ANKRD62: variants seen among roughly 807,000 people sequenced by gnomAD.
The protein encoded by ANKRD62 is ankyrin repeat domain-containing protein 62.
In ANKRD62, 61 loss-of-function variants were observed where a neutral mutation model predicts 98.8. That is an observed-to-expected ratio of 0.62 (90% confidence interval 0.50 to 0.76). The LOEUF (loss-of-function observed/expected upper bound fraction) is 0.76. Ranked by LOEUF, ANKRD62 falls within the 30% of genes least tolerant of loss-of-function variation. The pLI is 0.00. For missense variants in ANKRD62, 933 were observed against 1,082.9 expected (o/e 0.86, Z 1.94); for synonymous variants, 341 against 367.9 (o/e 0.93, Z 0.84).
chr18:12,118,133 C>G (rs907366844), intron 10 of ANKRD62, among the ~76,000 whole-genome samples: 1 of 152,130 alleles, frequency 6.6e-6, no homozygotes, highest in Admixed American at 6.5e-5. Context: ...TGGGTTTGGT[C>G]TTAAGGTACA....
At chr18:12,161,518 T>C in the ANKRD62 span, among the ~76,000 whole-genome samples, 1 of 152,132 alleles carries the variant, frequency 6.6e-6, no homozygotes, top group African/African-American at 2.4e-5. Flanking sequence ...CAAGCATTCA[T>C]CTTTTGTGTT....
the ANKRD62 span, among the ~76,000 whole-genome samples, chr18:12,161,198 AT>A: frequency 6.6e-6 from 1 of 152,092 alleles, no homozygotes; most frequent in Admixed American, 6.6e-5. Flanking sequence ...CATTTGACGT[AT>A]TTTTTTATTT....
downstream of ANKRD62, among the ~76,000 whole-genome samples, chr18:12,131,835 A>C (rs1035572810): frequency 1.9e-4 from 29 of 152,154 alleles, no homozygotes; most frequent in African/African-American, 7.0e-4. Flanking sequence ...CCAAAATCAC[A>C]CTGTTATGAT....
chr18:12,112,111 C>CAAAAAAAA (rs34392499), intron 8 of ANKRD62, among the ~76,000 whole-genome samples: 2 of 29,498 alleles, frequency 6.8e-5, no homozygotes, highest in African/African-American at 1.5e-4. Context: ...GACTCCAACT[C>CAAAAAAAA]AAAAAAAAAA....
intron 8 of ANKRD62, among the ~76,000 whole-genome samples, chr18:12,114,852 A>T (rs1909626482): frequency 6.6e-6 from 1 of 151,950 alleles, no homozygotes; most frequent in South Asian, 2.1e-4. Flanking sequence ...ATTTAAACTT[A>T]ATTTTTTGAT....
In ANKRD62 at chr18:12,102,903, T is replaced by C. The variant is rs75679781; in HGVS notation, c.821-255T>C. ...ATTTATATTGTTGGGTGGATTCATT[T>C]GTGAGCGAATCTTTGAGATGTTGGT... On this transcript the variant is annotated intron_variant, in intron 6 of 13. Coordinates refer to ENST00000587848, the MANE Select transcript of ANKRD62 (RefSeq NM_001277333.2). 4,682 of 562,320 alleles carry C rather than the reference T, an allele frequency of 8.3e-3. 158 individuals are homozygous for C. The highest frequency in any genetic ancestry group is 0.077 in the African/African-American group (3,956 of 51,128). 34.8% of individuals were successfully genotyped at this position (562,320 alleles called of 1,614,324 possible). A position where few individuals can be genotyped will look rare whatever the true frequency, so the allele number is the denominator to read the frequency against.
Position 12,127,928 on chromosome 18 carries a change from G to T in ANKRD62, c.2743G>T (p.Val915Phe), listed in dbSNP as rs1196604165. ...ATGTATGAAACTTAGCATGTCAACA[G>T]TTACTCTGTAGCTGGTTAAATAATA... ...QVCMKLSMST[V>F]TL is the part of the protein sequence containing the mutation. The change falls in exon 14 of 14, where the codon GTT becomes TTT. Residue 915 changes from valine to phenylalanine, a missense_variant. By Grantham distance (50) the Val-to-Phe change is conservative. Around this residue, in one of 3 missense-constraint regions of ANKRD62, gnomAD observed 362 missense variants for 434.5 expected, o/e 0.83. Coordinates refer to ENST00000587848, the MANE Select transcript of ANKRD62 (RefSeq NM_001277333.2). 4.7e-5 allele frequency: 69 copies of T among 1,480,584 alleles called. No homozygotes were observed. The highest frequency in any genetic ancestry group is 6.0e-5 in the Non-Finnish European group (67 of 1,123,514). The allele number at this position is 1,480,584 out of a possible 1,614,324, so 91.7% of individuals were successfully genotyped here.
At chr18:12,114,228 A>C (rs1909609787) in intron 8 of ANKRD62, among the ~76,000 whole-genome samples, 2 of 152,210 alleles carry the variant, frequency 1.3e-5, no homozygotes, top group Non-Finnish European at 2.9e-5. Context: ...ATAATCTGCA[A>C]CAAAACCCCG....
chr18:12,107,883 A>G (rs1909450424), intron 8 of ANKRD62, among the ~76,000 whole-genome samples: 1 of 152,180 alleles, frequency 6.6e-6, no homozygotes. Context: ...TATTTATTAT[A>G]CATATGATGT....
At chr18:12,153,606 A>AG in the ANKRD62 span, among the ~76,000 whole-genome samples, 218 of 140,802 alleles carry the variant, frequency 1.5e-3, no homozygotes, top group Middle Eastern at 3.6e-3. Flanking sequence ...AAAAAAAAAA[A>AG]AAAAGAAAGA....
downstream of ANKRD62, among the ~76,000 whole-genome samples, chr18:12,132,627 C>T (rs964812831): frequency 1.3e-5 from 2 of 151,942 alleles, no homozygotes; most frequent in Non-Finnish European, 2.9e-5. Context: ...TAAAGATGCC[C>T]TTTGACATGT....
the ANKRD62 span, among the ~76,000 whole-genome samples, chr18:12,156,739 TTC>T: frequency 6.6e-6 from 1 of 152,072 alleles, no homozygotes; most frequent in Non-Finnish European, 1.5e-5. Flanking sequence ...TACCATTTAG[TTC>T]TCTCTTGAAT....
chr18:12,120,916 A>AT (rs1212921361), intron 10 of ANKRD62, among the ~76,000 whole-genome samples: 5 of 151,894 alleles, frequency 3.3e-5, no homozygotes, highest in East Asian at 1.9e-4. Flanking sequence ...ACTTTTATTT[A>AT]TTTTTTTTGT....
At chr18:12,175,919 C>T in the ANKRD62 span, among the ~76,000 whole-genome samples, 12 of 151,796 alleles carry the variant, frequency 7.9e-5, no homozygotes, top group Non-Finnish European at 1.3e-4. Context: ...AGGCCAGGCA[C>T]GGTGGCTCAC....
the ANKRD62 span, among the ~76,000 whole-genome samples, chr18:12,179,451 A>G: frequency 3.6e-5 from 5 of 140,492 alleles, no homozygotes; most frequent in Non-Finnish European, 6.1e-5. Context: ...GACCTTTGCC[A>G]AGAGCACAGC....
the ANKRD62 span, among the ~76,000 whole-genome samples, chr18:12,145,201 G>T: frequency 6.6e-6 from 1 of 152,238 alleles, no homozygotes; most frequent in Non-Finnish European, 1.5e-5. Context: ...AAGGCCAAAG[G>T]CTGGAATGGC....
At chr18:12,138,642 G>A in the ANKRD62 span, among the ~76,000 whole-genome samples, 19 of 152,190 alleles carry the variant, frequency 1.2e-4, no homozygotes, top group African/African-American at 4.3e-4. Context: ...TGTTGACAGT[G>A]GGGTGTTAAA....
At chr18:12,151,468 C>G in the ANKRD62 span, among the ~76,000 whole-genome samples, 3 of 152,164 alleles carry the variant, frequency 2.0e-5, no homozygotes, top group Non-Finnish European at 2.9e-5. Context: ...CTGAAAACAA[C>G]AGAATATGCA....
chr18:12,141,424 G>C, the ANKRD62 span, among the ~76,000 whole-genome samples: 2 of 152,204 alleles, frequency 1.3e-5, no homozygotes, highest in Non-Finnish European at 2.9e-5. Flanking sequence ...CCCGTCTTCT[G>C]TGTCGCTCAC....
Sources: gnomAD v4.1 joint callset for allele counts (sites outside exome capture counted in the v4.1 genomes callset) on GRCh38, gnomAD v4.1.1 for gene constraint, gnomAD v4.1.1 regional missense constraint, MANE v1.5 for transcripts, NCBI Gene and HGNC (gene_info 2026-07-23, HGNC 2026-07-21) for gene names.